Variants in MON2 observed in about 807,000 individuals in gnomAD.
The protein encoded by MON2 is MON2 regulator of endosome-to-Golgi trafficking, also known as protein MON2 homolog.
MON2 carries 84 observed loss-of-function variants against 208.6 expected under a neutral mutation model. That is an observed-to-expected ratio of 0.40 (90% confidence interval 0.34 to 0.48). The LOEUF (loss-of-function observed/expected upper bound fraction) is 0.48, where lower values mean the gene tolerates loss of function less well. Among genes scored for constraint, MON2 ranks in the 20% least tolerant of loss-of-function variants. The probability of loss-of-function intolerance (pLI) is 0.59; values close to 1 mark genes in which losing one functional copy is unlikely to be tolerated. For synonymous variants in MON2, 660 were observed against 694.0 expected, an observed-to-expected ratio of 0.95 and a Z score of 0.77; for missense variants, 1,611 against 2,015.4, an observed-to-expected ratio of 0.80 and a Z score of 3.84.
chr12:62,530,525 C>T (rs1307627796), intron 11 of MON2, among the ~76,000 whole-genome samples: 1 of 152,148 alleles, frequency 6.6e-6, no homozygotes, highest in Non-Finnish European at 1.5e-5. Flanking sequence ...GCCACCGTGT[C>T]CGGCCCAGCA....
chr12:62,508,922 A>G (rs1043680330), intron 8 of MON2: 2 of 157,484 alleles, frequency 1.3e-5, no homozygotes, highest in South Asian at 3.7e-4. Context: ...CCAATATTGT[A>G]TCTGTTTTGC....
chr12:62,536,823 A>G (rs141873564), intron 14 of MON2, among the ~76,000 whole-genome samples: 1,596 of 151,748 alleles, frequency 0.011, 7 homozygotes, highest in Middle Eastern at 0.027. Flanking sequence ...TGAGTAGCTG[A>G]GACTACAGAA....
Position 62,525,072 on chromosome 12 carries a change from A to G in MON2, c.1110-12A>G, listed in dbSNP as rs1297363205. The G allele has an allele frequency of 1.3e-6, 2 of 1,599,002 alleles. No individual in the cohort carries two copies. Among genetic ancestry groups the G allele is most frequent in the Non-Finnish European group, 1.7e-6 (2 of 1,171,052 alleles). On this transcript the variant is annotated splice_polypyrimidine_tract_variant and intron_variant, in intron 9 of 34. Coordinates refer to ENST00000393630, the MANE Select transcript of MON2 (RefSeq NM_015026.3). Reference sequence around the variant, plus strand: ...AATGTTTTTCCCAAAAACCTTTTAAATTATTTTACAGGTCATTTTGTCAGT... The same window carrying G: ...AATGTTTTTCCCAAAAACCTTTTAAGTTATTTTACAGGTCATTTTGTCAGT...
chr12:62,495,058 G>T lies in MON2; in HGVS notation c.346G>T (p.Glu116Ter). 1.2e-6 allele frequency: 2 copies of T among 1,610,930 alleles called. No individual in the cohort carries two copies. ...AATTAACATGCTTTGGCAGCTAATG[G>T]AGAATAGTCTTGAAGAACTTAAGCT... ...NIINMLWQLM[E>*]NSLEELKLLQ... Residue 116 changes from glutamate (E) to a stop codon, truncating the protein, a stop_gained, in exon 4 of 35, where the codon GAG (glutamate) becomes TAG (stop). Coordinates refer to ENST00000393630, the MANE Select transcript of MON2 (RefSeq NM_015026.3). LOFTEE classifies it high-confidence loss of function.
At position 62,511,978 on chromosome 12, in the gene MON2, G is replaced by A. The variant is rs535566796; in HGVS notation, c.984+3498G>A. Among the ~76,000 whole-genome samples the A allele has an allele frequency of 4.2e-5, 6 of 141,554 alleles. No homozygotes were observed. The East Asian group carries it at 1.0e-3, about 24-fold the overall frequency. 92.9% of individuals were successfully genotyped at this position (141,554 alleles called of 152,430 possible). A position where few individuals can be genotyped will look rare whatever the true frequency, so the allele number is the denominator to read the frequency against. ...ACATGGCGGCAGACAAGAGAAGAGC[G>A]CTTATGCAGGGAAACCCCCCTTTTA... On this transcript the variant is annotated intron_variant, in intron 8 of 34. Coordinates refer to ENST00000393630, the MANE Select transcript of MON2 (RefSeq NM_015026.3).
At chr12:62,556,642 G>A (rs1052594472) in intron 25 of MON2, among the ~76,000 whole-genome samples, 3 of 152,004 alleles carry the variant, frequency 2.0e-5, no homozygotes, top group Non-Finnish European at 2.9e-5. Flanking sequence ...AAAGAGACAG[G>A]AGAAGATTGA....
intron 14 of MON2, among the ~76,000 whole-genome samples, 161 bp downstream of exon 14, chr12:62,535,870 G>T (rs918676486): frequency 1.0e-5 from 1 of 98,192 alleles, no homozygotes; most frequent in East Asian, 3.7e-4. Flanking sequence ...TATGGGGTGG[G>T]GGGTGGGGGG....
chr12:62,569,639 C>A (rs1250996628), intron 29 of MON2, among the ~76,000 whole-genome samples: 1 of 152,192 alleles, frequency 6.6e-6, no homozygotes, highest in Non-Finnish European at 1.5e-5. Flanking sequence ...AGTGGATCAA[C>A]TTTGGTCCCA....
Position 62,532,590 on chromosome 12 carries a change from C to A in MON2, c.1553C>A (p.Thr518Asn). 6.2e-7 allele frequency: 1 copy of A among 1,614,068 alleles called. No homozygotes were observed. Among genetic ancestry groups the A allele is most frequent in the Non-Finnish European group, 8.5e-7 (1 of 1,179,972 alleles). Residue 518 changes from threonine to asparagine, a missense_variant, in exon 12 of 35, where the codon ACT (threonine) becomes AAT (asparagine). Thr to Asn is a moderately conservative substitution (Grantham distance 65). Transcript: ENST00000393630. Reference protein sequence around the residue: ...GELETECQTTTEEGSSPTQST... With the variant: ...GELETECQTTNEEGSSPTQST... ...CTTGAAACAGAATGTCAAACCACCA[C>A]TGAAGAAGGTTCTTCACCAACACAG...
rs567529041 is a variant in MON2, at chr12:62,530,690, T to A, written c.1401-1748T>A. On this transcript the variant is annotated intron_variant, in intron 11 of 34. Transcript: ENST00000393630. ...TTGTTTATTATGAATAATACTACCA[T>A]GAGCATTTGTCTGTAAGTTTTTGCA... 2.6e-5 allele frequency among the ~76,000 whole-genome samples: 4 copies of A among 152,350 alleles called. No homozygotes were observed. The South Asian group carries it at 8.3e-4, about 32-fold the overall frequency.
chr12:62,571,634 C>T, intron 30 of MON2, 52 bp downstream of exon 30: 1 of 1,386,148 alleles, frequency 7.2e-7, no homozygotes, highest in Non-Finnish European at 9.9e-7. Flanking sequence ...ATTATATCTT[C>T]AGTTGCTCTA....
At chr12:62,485,399 A>G (rs914000177) in intron 2 of MON2, among the ~76,000 whole-genome samples, 4 of 152,244 alleles carry the variant, frequency 2.6e-5, no homozygotes, top group African/African-American at 7.2e-5. Context: ...GAGTGTTATG[A>G]AATGAAATTA....
At chr12:62,572,260 G>A (rs1482424472) in intron 30 of MON2, among the ~76,000 whole-genome samples, 6 of 152,028 alleles carry the variant, frequency 3.9e-5, no homozygotes, top group South Asian at 4.2e-4. Flanking sequence ...TCATTGCCAC[G>A]GGTGACTAGC....
chr12:62,571,969 G>C (rs931340334), intron 30 of MON2, among the ~76,000 whole-genome samples: 4 of 152,182 alleles, frequency 2.6e-5, no homozygotes, highest in African/African-American at 9.7e-5. Context: ...ATAATGATCA[G>C]CTCTTTAAGA....
chr12:62,531,659 C>A (rs1320325065), intron 11 of MON2, among the ~76,000 whole-genome samples: 1 of 152,178 alleles, frequency 6.6e-6, no homozygotes, highest in Non-Finnish European at 1.5e-5. Context: ...CTTATTCTCA[C>A]CTTGTTGGCA....
At position 62,593,230 on chromosome 12, in the gene MON2, G is replaced by T. The variant is rs1178727601; in HGVS notation, c.*481G>T. On this transcript the variant is annotated 3_prime_UTR_variant, in exon 35 of 35. Transcript: ENST00000393630. ...CTATAACCAGCCTTTGTTAACAAAG[G>T]GAACTGATATACTTGTGTGTATAAT... 1.3e-5 allele frequency: 2 copies of T among 153,202 alleles called. No homozygotes were observed. Among genetic ancestry groups the T allele is most frequent in the East Asian group, 3.8e-4 (2 of 5,204 alleles). The allele number at this position is 153,202 out of a possible 1,614,324, so 9.5% of individuals were successfully genotyped here.
intron 8 of MON2, chr12:62,509,047 T>G (rs1448815999): frequency 6.6e-6 from 1 of 152,180 alleles, no homozygotes; most frequent in Non-Finnish European, 1.5e-5. Flanking sequence ...TGCACCGTGT[T>G]TTTTTAAAAT....
chr12:62,499,187 T>A, intron 5 of MON2, 139 bp downstream of exon 5: 1 of 843,978 alleles, frequency 1.2e-6, no homozygotes, highest in Non-Finnish European at 1.7e-6. Flanking sequence ...CACAATTTGA[T>A]CCCCTGAGGA....
intron 7 of MON2, among the ~76,000 whole-genome samples, chr12:62,501,919 A>G (rs2070854497): frequency 6.6e-6 from 1 of 151,836 alleles, no homozygotes; most frequent in Non-Finnish European, 1.5e-5. Flanking sequence ...GACACCATCA[A>G]TACAGAAAAT....
Sources: gnomAD v4.1 joint callset for allele counts (sites outside exome capture counted in the v4.1 genomes callset) on GRCh38, gnomAD v4.1.1 for gene constraint, MANE v1.5 for transcripts, NCBI Gene and HGNC (gene_info 2026-07-23, HGNC 2026-07-21) for gene names.